The following SORCS3 variants were observed in gnomAD, a reference collection of about 807,000 sequenced individuals.
SORCS3 encodes the protein sortilin related VPS10 domain containing receptor 3.
SORCS3 carries 57 observed loss-of-function variants against 146.3 expected under a neutral mutation model. The ratio of observed to expected loss-of-function variants is 0.39; its 90% CI spans 0.31 to 0.49. The LOEUF (loss-of-function observed/expected upper bound fraction) is 0.49, where lower values mean the gene tolerates loss of function less well. SORCS3 is among the 20% of genes least tolerant of loss of function. The probability of loss-of-function intolerance (pLI) is 0.92; values close to 1 mark genes in which losing one functional copy is unlikely to be tolerated. For synonymous variants in SORCS3, 653 were observed against 618.5 expected (o/e 1.06, Z -0.83); for missense variants, 1,341 against 1,575.5 (o/e 0.85, Z 2.52).
At chr10:105,064,560 A>T (rs2055509917) in intron 5 of SORCS3, among the ~76,000 whole-genome samples, 1 of 152,176 alleles carries the variant, frequency 6.6e-6, no homozygotes. Context: ...TGAGGGTATG[A>T]ATCTCAGTCT....
chr10:105,221,868 T>C (rs949041884), intron 19 of SORCS3, among the ~76,000 whole-genome samples: 2 of 152,000 alleles, frequency 1.3e-5, no homozygotes, highest in African/African-American at 2.4e-5. Context: ...ATTTACATAT[T>C]TTAGTTGGAT....
At chr10:104,777,266 C>A (rs1384280676) in intron 1 of SORCS3, among the ~76,000 whole-genome samples, 1 of 152,104 alleles carries the variant, frequency 6.6e-6, no homozygotes, top group African/African-American at 2.4e-5. Flanking sequence ...AAATTCAGAC[C>A]CTGCTCACAG....
At chr10:105,190,233 CT>C (rs1310241204) in intron 14 of SORCS3, among the ~76,000 whole-genome samples, 2 of 152,194 alleles carry the variant, frequency 1.3e-5, no homozygotes, top group Non-Finnish European at 2.9e-5. Flanking sequence ...AATTTGACCC[CT>C]GGCTTCATCA....
chr10:104,775,421 A>T (rs902300), intron 1 of SORCS3, among the ~76,000 whole-genome samples: 1 of 152,108 alleles, frequency 6.6e-6, no homozygotes, highest in Non-Finnish European at 1.5e-5. Flanking sequence ...ATATAAGTCA[A>T]GGGCTTCCTG....
chr10:105,091,625 C>G (rs1322907526), intron 6 of SORCS3, among the ~76,000 whole-genome samples: 3 of 151,210 alleles, frequency 2.0e-5, no homozygotes, highest in African/African-American at 7.4e-5. Flanking sequence ...ATCGGTGAGA[C>G]AGCCAGGGAT....
In SORCS3 at chr10:105,105,320, TAG is replaced by T. The variant is rs1166826805; in HGVS notation, c.1094-74_1094-73del. 9.7e-6 allele frequency: 8 copies of T among 824,772 alleles called. No homozygotes were observed. The East Asian group carries it at 2.0e-4, about 21-fold the overall frequency. 51.1% of individuals were successfully genotyped at this position (824,772 alleles called of 1,614,324 possible). A position where few individuals can be genotyped will look rare whatever the true frequency, so the allele number is the denominator to read the frequency against. On this transcript the variant is annotated intron_variant, in intron 6 of 26. Coordinates refer to ENST00000369701, the MANE Select transcript of SORCS3 (RefSeq NM_014978.3). Reference sequence around the variant, plus strand: ...TTACCTTGTTGATTCCCCCATGAAGTAGAGTTTTGTATGCTACCTGGGGCTCC... The same window carrying T: ...TTACCTTGTTGATTCCCCCATGAAGTAGTTTTGTATGCTACCTGGGGCTCC...
In SORCS3 at chr10:105,219,399, G is replaced by A. The variant is rs559598805; in HGVS notation, c.2734+2277G>A. 2.6e-5 allele frequency among the ~76,000 whole-genome samples: 4 copies of A among 152,216 alleles called. No homozygotes were observed. In the South Asian group the frequency reaches 8.3e-4, roughly 32 times the overall value. ...TCAGTGCCCATAGTTTTTAATGGGG[G>A]CCAGTCATGTAGGTACCTTCTGCCT... On this transcript the variant is annotated intron_variant, in intron 19 of 26. Transcript: ENST00000369701.
intron 23 of SORCS3, among the ~76,000 whole-genome samples, chr10:105,253,621 A>G (rs1172835145): frequency 6.6e-6 from 1 of 152,130 alleles, no homozygotes; most frequent in Non-Finnish European, 1.5e-5. Flanking sequence ...GTCAGGTGCA[A>G]TAGAAATAAG....
chr10:105,173,181 A>G (rs1038160753), intron 13 of SORCS3, among the ~76,000 whole-genome samples: 1 of 152,142 alleles, frequency 6.6e-6, no homozygotes, highest in East Asian at 1.9e-4. Flanking sequence ...GTGTGGTGGT[A>G]AGCGCCTGTA....
At chr10:104,845,879 G>A (rs549338334) in intron 2 of SORCS3, among the ~76,000 whole-genome samples, 81 of 152,222 alleles carry the variant, frequency 5.3e-4, no homozygotes, top group African/African-American at 1.0e-3. Context: ...GCTGGTCTGC[G>A]GAAGAGAATG....
chr10:105,141,164 G>A (rs1342887367), intron 8 of SORCS3, among the ~76,000 whole-genome samples: 4 of 152,146 alleles, frequency 2.6e-5, no homozygotes, highest in Non-Finnish European at 5.9e-5. Context: ...TGTGGCTGCA[G>A]GTGGGGACAA....
chr10:105,183,158 C>T (rs901857400), intron 14 of SORCS3, among the ~76,000 whole-genome samples: 1 of 152,096 alleles, frequency 6.6e-6, no homozygotes, highest in African/African-American at 2.4e-5. Flanking sequence ...TAGGAATGTG[C>T]CTGGACAGTA....
chr10:105,037,064 T>A (rs1002270167), intron 4 of SORCS3, among the ~76,000 whole-genome samples: 8 of 152,206 alleles, frequency 5.3e-5, no homozygotes, highest in African/African-American at 1.9e-4. Flanking sequence ...TTTTGTTGCC[T>A]CTTCTGACTA....
intron 2 of SORCS3, among the ~76,000 whole-genome samples, chr10:104,847,966 G>C (rs2018226764): frequency 6.6e-6 from 1 of 151,916 alleles, no homozygotes. Context: ...TTTCTGGGTG[G>C]GAGGCTCCTC....
intron 6 of SORCS3, among the ~76,000 whole-genome samples, chr10:105,093,491 A>G (rs2055724499): frequency 6.6e-6 from 1 of 152,180 alleles, no homozygotes. Context: ...AATACATGCA[A>G]ATCAATATCC....
intron 16 of SORCS3, among the ~76,000 whole-genome samples, chr10:105,205,659 A>T (rs190182068): frequency 6.6e-5 from 10 of 152,300 alleles, no homozygotes; most frequent in African/African-American, 2.2e-4. Context: ...GTGAGAAACG[A>T]GGTTGAACCA....
chr10:104,872,933 G>C (rs2018533954), intron 2 of SORCS3, among the ~76,000 whole-genome samples: 1 of 152,208 alleles, frequency 6.6e-6, no homozygotes, highest in East Asian at 1.9e-4. Context: ...ATGGCTGGAA[G>C]GACTGATATG....
chr10:104,955,559 C>T (rs978820781), intron 3 of SORCS3, among the ~76,000 whole-genome samples: 1 of 152,120 alleles, frequency 6.6e-6, no homozygotes, highest in Non-Finnish European at 1.5e-5. Context: ...ATTATTTGTA[C>T]AAAATATTCC....
At chr10:104,700,821 A>G (rs1234493343) in intron 1 of SORCS3, among the ~76,000 whole-genome samples, 1 of 152,200 alleles carries the variant, frequency 6.6e-6, no homozygotes, top group African/African-American at 2.4e-5. Flanking sequence ...GGAGTACAAC[A>G]AAGGATGTGA....
Sources: allele counts gnomAD v4.1 joint callset (sites outside exome capture counted in the v4.1 genomes callset), GRCh38; gene constraint gnomAD v4.1.1; transcripts MANE v1.5; gene names NCBI Gene and HGNC (gene_info 2026-07-23, HGNC 2026-07-21).